The following CDK6 variants were observed in gnomAD, a reference collection of about 807,000 sequenced individuals.
CDK6 encodes cyclin-dependent kinase 6.
In CDK6, 6 loss-of-function variants were observed where a neutral mutation model predicts 37.1. The observed-to-expected ratio is 0.16, with a 90% CI of 0.09 to 0.32. The LOEUF (loss-of-function observed/expected upper bound fraction) is 0.32. Ranked by LOEUF, CDK6 falls within the 10% of genes least tolerant of loss-of-function variation. The pLI, the probability that CDK6 is intolerant of heterozygous loss-of-function variation, is 1.00. For missense variants in CDK6, 224 were observed against 418.9 expected (o/e 0.53, Z 4.06); for synonymous variants, 160 against 161.3 (o/e 0.99, Z 0.06).
chr7:92,665,076 C>T (rs1472473615), intron 5 of CDK6, among the ~76,000 whole-genome samples: 4 of 152,112 alleles, frequency 2.6e-5, no homozygotes, highest in African/African-American at 7.2e-5. Context: ...TGAGTCACCA[C>T]GCCTGGCCGC....
At chr7:92,831,744 A>G (rs775721439) in intron 2 of CDK6, among the ~76,000 whole-genome samples, 15 of 152,176 alleles carry the variant, frequency 9.9e-5, no homozygotes, top group Non-Finnish European at 2.9e-5. Flanking sequence ...TGATTCTTTG[A>G]TGCCTTCTAG....
At chr7:92,650,896 CT>C (rs113941367) in intron 5 of CDK6, among the ~76,000 whole-genome samples, 472 of 145,420 alleles carry the variant, frequency 3.2e-3, no homozygotes, top group Middle Eastern at 3.6e-3. Context: ...AATTCTCTCT[CT>C]TTTTTTTTTT....
intron 5 of CDK6, among the ~76,000 whole-genome samples, chr7:92,630,993 A>G (rs1796037830): frequency 6.6e-6 from 1 of 152,148 alleles, no homozygotes; most frequent in African/African-American, 2.4e-5. Context: ...AGAACTCTGA[A>G]CTAGAGATAT....
chr7:92,683,712 G>T (rs571522506), intron 4 of CDK6, among the ~76,000 whole-genome samples: 23 of 152,268 alleles, frequency 1.5e-4, no homozygotes, highest in Admixed American at 2.0e-4. Context: ...ACTGTGGTGG[G>T]GGGGGGGTCC....
At chr7:92,724,149 T>C (rs1260901914) in intron 4 of CDK6, among the ~76,000 whole-genome samples, 1 of 152,004 alleles carries the variant, frequency 6.6e-6, no homozygotes, top group Non-Finnish European at 1.5e-5. Flanking sequence ...GCGCAACAAC[T>C]TCCTAGGGAA....
At chr7:92,650,294 A>G (rs1319792203) in intron 5 of CDK6, among the ~76,000 whole-genome samples, 1 of 152,186 alleles carries the variant, frequency 6.6e-6, no homozygotes, top group Non-Finnish European at 1.5e-5. Context: ...TAAAGCTCCT[A>G]CTGAGTGCTT....
intron 5 of CDK6, among the ~76,000 whole-genome samples, chr7:92,649,245 C>T (rs1043337481): frequency 3.3e-5 from 5 of 152,136 alleles, no homozygotes; most frequent in African/African-American, 1.2e-4. Flanking sequence ...AAACACTATT[C>T]CATGAAACAG....
intron 2 of CDK6, 88 bp from the exon 3 acceptor site, chr7:92,774,919 A>G: frequency 7.8e-7 from 1 of 1,283,040 alleles, no homozygotes. Flanking sequence ...ATTTGGTCTC[A>G]TAATAGAAAA....
intron 4 of CDK6, among the ~76,000 whole-genome samples, chr7:92,677,581 T>C (rs1036017362): frequency 6.6e-6 from 1 of 152,224 alleles, no homozygotes; most frequent in Non-Finnish European, 1.5e-5. Flanking sequence ...ATCCCTTTAG[T>C]CTGGGTGAAA....
intron 5 of CDK6, among the ~76,000 whole-genome samples, chr7:92,647,815 G>A (rs948386034): frequency 1.3e-5 from 2 of 152,202 alleles, no homozygotes; most frequent in African/African-American, 2.4e-5. Flanking sequence ...TGTAGTGGAC[G>A]CAGGGGACAG....
intron 5 of CDK6, among the ~76,000 whole-genome samples, chr7:92,630,294 A>T: frequency 6.6e-6 from 1 of 151,072 alleles, no homozygotes; most frequent in East Asian, 1.9e-4. Flanking sequence ...TTATTTATTT[A>T]TTTATTTATT....
rs776934400 is a variant in CDK6 at position 92,623,024 on chromosome 7, A to G, written c.698+12T>C. 8 of 1,534,118 alleles carry G rather than the reference A, an allele frequency of 5.2e-6. No homozygotes were observed. The highest frequency in any genetic ancestry group is 1.7e-5 in the Admixed American group (1 of 57,464). The stretch of plus-strand genomic sequence containing the variant: ...CTATGGACACTGGTGTAAAATTATA[A>G]TTATTACTTACTCCAAGATTTTTCC... On this transcript the variant is annotated intron_variant, in intron 6 of 7. Transcript: ENST00000424848.
chr7:92,651,960 A>C (rs1796584417), intron 5 of CDK6, among the ~76,000 whole-genome samples: 1 of 152,182 alleles, frequency 6.6e-6, no homozygotes, highest in African/African-American at 2.4e-5. Context: ...TATTTATAAC[A>C]CTGAATATTG....
chr7:92,695,903 C>G (rs1211742149), intron 4 of CDK6, among the ~76,000 whole-genome samples: 1 of 152,202 alleles, frequency 6.6e-6, no homozygotes, highest in Non-Finnish European at 1.5e-5. Flanking sequence ...AAGGAAATAC[C>G]TTTCTTTGAA....
intron 2 of CDK6, among the ~76,000 whole-genome samples, chr7:92,797,769 C>A (rs906483853): frequency 1.7e-4 from 26 of 152,174 alleles, no homozygotes; most frequent in Admixed American, 5.9e-4. Flanking sequence ...TTTGAAAAGG[C>A]TAATTGTTAG....
intron 5 of CDK6, among the ~76,000 whole-genome samples, chr7:92,662,262 T>C (rs1299673991): frequency 6.6e-6 from 1 of 152,130 alleles, no homozygotes; most frequent in Non-Finnish European, 1.5e-5. Flanking sequence ...GGAACTCACT[T>C]CGAGGGCTTC....
intron 2 of CDK6, among the ~76,000 whole-genome samples, chr7:92,801,642 CTTCTCTCT>C (rs1800578122): frequency 6.6e-6 from 1 of 151,070 alleles, no homozygotes; most frequent in Non-Finnish European, 1.5e-5. Context: ...TCTTCCCTCC[CTTCTCTCT>C]TTCTCTCTTT....
At chr7:92,801,664 TC>T (rs1682395545) in intron 2 of CDK6, among the ~76,000 whole-genome samples, 1 of 151,766 alleles carries the variant, frequency 6.6e-6, no homozygotes, top group African/African-American at 2.4e-5. Context: ...TCTCTTTCTT[TC>T]TTTTGGAGTG....
chr7:92,631,195 T>C (rs1398624474), intron 5 of CDK6, among the ~76,000 whole-genome samples: 1 of 152,090 alleles, frequency 6.6e-6, no homozygotes, highest in Non-Finnish European at 1.5e-5. Flanking sequence ...GGCCCAGGAA[T>C]AGGGTAACCA....
Sources: gnomAD v4.1 joint callset for allele counts (sites outside exome capture counted in the v4.1 genomes callset) on GRCh38, gnomAD v4.1.1 for gene constraint, MANE v1.5 for transcripts, NCBI Gene and HGNC (gene_info 2026-07-23, HGNC 2026-07-21) for gene names.